LDAF1: variants seen among roughly 807,000 people sequenced by gnomAD.
The protein encoded by LDAF1 is PROMETHIN.
LDAF1 carries 7 observed loss-of-function variants against 13.5 expected under a neutral mutation model. The observed-to-expected ratio is 0.52, with a 90% CI of 0.29 to 0.97. LDAF1 has a LOEUF of 0.97. Ranked by LOEUF, LDAF1 falls within the 50% of genes least tolerant of loss-of-function variation. The pLI is 0.07. For synonymous variants in LDAF1, 69 were observed against 77.1 expected (o/e 0.89, Z 0.55); for missense variants, 148 against 193.2 (o/e 0.77, Z 1.39).
intron 2 of LDAF1, chr16:21,170,195 G>T (rs2093072875): frequency 2.3e-6 from 1 of 429,196 alleles, no homozygotes; most frequent in South Asian, 9.9e-5. Context: ...AGAGACGGGG[G>T]TTTCATCATG....
chr16:21,174,768 G>A (rs998838349), intron 4 of LDAF1, among the ~76,000 whole-genome samples: 1 of 152,082 alleles, frequency 6.6e-6, no homozygotes, highest in African/African-American at 2.4e-5. Flanking sequence ...AAATTAGGTG[G>A]TTTTCTTTGG....
intron 3 of LDAF1, among the ~76,000 whole-genome samples, chr16:21,172,570 T>C (rs1283317809): frequency 6.6e-6 from 1 of 152,082 alleles, no homozygotes; most frequent in Non-Finnish European, 1.5e-5. Flanking sequence ...GAGGCTGTAG[T>C]GAGCTATGAT....
intron 2 of LDAF1, among the ~76,000 whole-genome samples, chr16:21,168,683 C>T (rs1363148611): frequency 2.3e-5 from 3 of 132,988 alleles, no homozygotes; most frequent in African/African-American, 5.8e-5. Flanking sequence ...TTTTATATTA[C>T]ATTACAATTA....
chr16:21,179,342 C>T (rs1479995602), intron 4 of LDAF1, 133 bp from the exon 5 acceptor site: 32 of 1,559,022 alleles, frequency 2.1e-5, no homozygotes, highest in Non-Finnish European at 2.7e-5. Flanking sequence ...GTATAATGGA[C>T]ATAGGCCTGG....
At chr16:21,170,251 C>T in intron 2 of LDAF1, 186 bp from the exon 3 acceptor site, 1 of 969,792 alleles carries the variant, frequency 1.0e-6, no homozygotes, top group Non-Finnish European at 1.2e-6. Context: ...GATCCGCTCG[C>T]CTTGGCCTCC....
At chr16:21,166,794 C>A in intron 2 of LDAF1, 1 of 1,503,660 alleles carries the variant, frequency 6.7e-7, no homozygotes, top group Non-Finnish European at 8.9e-7. Flanking sequence ...AGCCCACATT[C>A]TGTGTGGTGA....
chr16:21,162,400 GC>G (rs1054735594), intron 2 of LDAF1, among the ~76,000 whole-genome samples: 1 of 71,128 alleles, frequency 1.4e-5, no homozygotes, highest in African/African-American at 6.4e-5. Context: ...ACTTCAGATA[GC>G]GTTATGTTTT....
chr16:21,173,643 G>A (rs1026847206), intron 3 of LDAF1, among the ~76,000 whole-genome samples: 3 of 152,098 alleles, frequency 2.0e-5, no homozygotes, highest in African/African-American at 7.2e-5. Context: ...AACCTGGGAG[G>A]CGGAGGTTGC....
At chr16:21,166,072 G>C (rs1315070395) in intron 2 of LDAF1, among the ~76,000 whole-genome samples, 1 of 151,972 alleles carries the variant, frequency 6.6e-6, no homozygotes, top group Admixed American at 6.6e-5. Context: ...ATGTTGACCA[G>C]GCTGGTCTTA....
At chr16:21,168,809 T>TAAA (rs1306330560) in intron 2 of LDAF1, among the ~76,000 whole-genome samples, 27 of 132,872 alleles carry the variant, frequency 2.0e-4, no homozygotes, top group Non-Finnish European at 3.4e-4. Flanking sequence ...TATATTTTTA[T>TAAA]ATAAAATTAA....
chr16:21,161,295 T>A lies in LDAF1; in HGVS notation c.96+17T>A. 1 of 1,612,398 alleles carries A rather than the reference T, an allele frequency of 6.2e-7. No individual in the cohort carries two copies. The highest frequency in any genetic ancestry group is 1.1e-5 in the South Asian group (1 of 90,682). On this transcript the variant is annotated intron_variant, in intron 2 of 4. Transcript: ENST00000233047. Reference sequence around the variant, plus strand: ...AACTCAAAGGTCAGTTTCCAATCACTATGTATAATGGAAAATCCCAATATA... The same window carrying A: ...AACTCAAAGGTCAGTTTCCAATCACAATGTATAATGGAAAATCCCAATATA...
intron 1 of LDAF1, chr16:21,160,870 C>G (rs1481154659): frequency 2.8e-6 from 1 of 359,706 alleles, no homozygotes; most frequent in Non-Finnish European, 4.6e-6. Context: ...AATGCACAGC[C>G]TTTTAGTACA....
rs1046480 is a variant in LDAF1 at position 21,174,063 on chromosome 16, G to A, written c.319G>A (p.Gly107Ser). ...FSLLCILCGL[G>S]FVSLAMSGMM... ...ACTGCTCTGCATCCTCTGTGGTTTG[G>A]GCTTCGTATCACTCGCCATGTCGGG... is the stretch of plus-strand genomic sequence containing the variant. The change falls in exon 4 of 5, where the codon GGC (glycine) becomes AGC (serine). Residue 107 changes from glycine (G) to serine (S), a missense_variant. Transcript: ENST00000233047. 0.22 allele frequency: 358,055 copies of A among 1,613,500 alleles called. 43,959 individuals are homozygous for A. Among genetic ancestry groups the A allele is most frequent in the Non-Finnish European group, 0.25 (300,248 of 1,179,714 alleles).
chr16:21,159,798 G>T (rs2092947362), intron 1 of LDAF1: 1 of 497,388 alleles, frequency 2.0e-6, no homozygotes, highest in Non-Finnish European at 2.6e-6. Context: ...ACCGGTCTGG[G>T]TGGCACTTGA....
In LDAF1 at chr16:21,170,581, C is replaced by T; in HGVS notation, c.241C>T (p.Leu81=). ...LIVVLTTLAA[L]LGVIILEGLV... is the part of the protein sequence containing the mutation. ...CGTGGTGCTTACCACCCTGGCTGCTCTGCTGGGGGTCATAATATTGGAAGG... is the reference window on the plus strand; with the variant it reads ...CGTGGTGCTTACCACCCTGGCTGCTTTGCTGGGGGTCATAATATTGGAAGG... Residue 81 remains leucine, a synonymous_variant, in exon 3 of 5, where the codon CTG becomes TTG. Coordinates refer to ENST00000233047, the MANE Select transcript of LDAF1 (RefSeq NM_001301771.2). The T allele has an allele frequency of 6.2e-7, 1 of 1,614,170 alleles. No individual in the cohort carries two copies. Among genetic ancestry groups the T allele is most frequent in the Non-Finnish European group, 8.5e-7 (1 of 1,180,046 alleles).
intron 2 of LDAF1, chr16:21,166,812 G>C: frequency 6.5e-7 from 1 of 1,533,854 alleles, no homozygotes; most frequent in Non-Finnish European, 8.7e-7. Context: ...TGACTCCCAC[G>C]GCTCCTCCGC....
chr16:21,162,250 A>G (rs7202272), intron 2 of LDAF1, among the ~76,000 whole-genome samples: 31,563 of 152,176 alleles, frequency 0.21, 3,321 homozygotes, highest in South Asian at 0.26. Context: ...TTATTAATGA[A>G]AAAAGATTCT....
chr16:21,161,052 A>G (rs897578216), intron 1 of LDAF1, 33 bp from the exon 2 acceptor site: 1 of 1,449,322 alleles, frequency 6.9e-7, no homozygotes, highest in African/African-American at 1.4e-5. Context: ...ATGGATGAAG[A>G]CCACTAACGG....
chr16:21,160,363 C>T lies in LDAF1; in HGVS notation c.-98-722C>T, dbSNP rs1011588421. Among the ~76,000 whole-genome samples, 7 of 152,062 alleles carry T rather than the reference C, an allele frequency of 4.6e-5. 1 individual carries two copies. Among genetic ancestry groups the T allele is most frequent in the Admixed American group, 3.9e-4 (6 of 15,264 alleles). ...GTAAAAATTGTATGAGATTGGGACA[C>T]CCCTCAAAATTCCAGGCAGTTTAGT... On this transcript the variant is annotated intron_variant, in intron 1 of 4. Transcript: ENST00000233047.
Sources: allele counts gnomAD v4.1 joint callset (sites outside exome capture counted in the v4.1 genomes callset), GRCh38; gene constraint gnomAD v4.1.1; transcripts MANE v1.5; gene names NCBI Gene and HGNC (gene_info 2026-07-23, HGNC 2026-07-21).